The following FLT3 variants were observed in gnomAD, a reference collection of about 807,000 sequenced individuals.
FLT3 encodes the protein fms related receptor tyrosine kinase 3.
A neutral mutation model predicts 126.6 loss-of-function variants in FLT3; 46 were observed. The ratio of observed to expected loss-of-function variants is 0.36; its 90% CI spans 0.29 to 0.46. The LOEUF is 0.46. Among genes scored for constraint, FLT3 ranks in the 20% least tolerant of loss-of-function variants. FLT3 has a pLI of 1.00. For missense variants in FLT3, 1,069 were observed against 1,190.3 expected, an observed-to-expected ratio of 0.90 and a Z score of 1.50; for synonymous variants, 404 against 434.4, an observed-to-expected ratio of 0.93 and a Z score of 0.87.
intron 18 of FLT3, among the ~76,000 whole-genome samples, chr13:28,024,198 C>T (rs1872630008): frequency 6.7e-6 from 1 of 148,858 alleles, no homozygotes; most frequent in African/African-American, 2.5e-5. Flanking sequence ...GTGGTGCAAT[C>T]TCAGCTCACT....
intron 19 of FLT3, among the ~76,000 whole-genome samples, chr13:28,019,056 G>A (rs1056615849): frequency 6.7e-5 from 10 of 149,932 alleles, no homozygotes; most frequent in South Asian, 2.1e-4. Context: ...CAACCTCTGC[G>A]TCCCAGGTTC....
intron 1 of FLT3, among the ~76,000 whole-genome samples, chr13:28,078,833 C>T (rs1878133135): frequency 1.3e-5 from 2 of 152,042 alleles, no homozygotes; most frequent in Admixed American, 1.3e-4. Flanking sequence ...CCTGCCTCAG[C>T]CTCCCAAGTA....
chr13:28,019,699 A>G (rs1211120697), intron 19 of FLT3, among the ~76,000 whole-genome samples: 1 of 152,084 alleles, frequency 6.6e-6, no homozygotes, highest in African/African-American at 2.4e-5. Context: ...CGAGGCCTGC[A>G]CTGACTGGCT....
chr13:28,044,132 C>A (rs535269049), intron 9 of FLT3, among the ~76,000 whole-genome samples: 2 of 143,274 alleles, frequency 1.4e-5, no homozygotes, highest in Admixed American at 7.0e-5. Flanking sequence ...GGTGACAGAG[C>A]GAGACTCCGT....
chr13:28,052,522 C>T (rs373631530), intron 5 of FLT3, 23 bp downstream of exon 5: 2 of 1,595,634 alleles, frequency 1.3e-6, no homozygotes, highest in Non-Finnish European at 1.7e-6. Context: ...ATGAGAATAG[C>T]AGCTACCATG....
At chr13:28,025,037 G>C in intron 17 of FLT3, 94 bp from the exon 18 acceptor site, 1 of 742,350 alleles carries the variant, frequency 1.3e-6, no homozygotes, top group Non-Finnish European at 2.3e-6. Flanking sequence ...ATGGATTCCA[G>C]TTATAAATTG....
At chr13:28,062,157 G>C in intron 2 of FLT3, 88 bp from the exon 3 acceptor site, 1 of 976,280 alleles carries the variant, frequency 1.0e-6, no homozygotes, top group South Asian at 1.5e-5. Context: ...TCAAACATAT[G>C]CATGCTGACA....
intron 23 of FLT3, among the ~76,000 whole-genome samples, chr13:28,014,155 C>G (rs998718505): frequency 3.3e-5 from 5 of 152,072 alleles, no homozygotes; most frequent in African/African-American, 1.2e-4. Flanking sequence ...TCCCATGGTC[C>G]TAGCTACTTG....
chr13:28,073,367 AAAG>A, intron 1 of FLT3: 1 of 418,268 alleles, frequency 2.4e-6, no homozygotes, highest in Non-Finnish European at 4.7e-6. Context: ...AAAAAAAAAA[AAAG>A]CATTTTTTAC....
At chr13:28,081,895 C>T (rs1393357118) in intron 1 of FLT3, among the ~76,000 whole-genome samples, 2 of 114,360 alleles carry the variant, frequency 1.7e-5, no homozygotes, top group South Asian at 2.9e-4. Context: ...CTTGCTCTGT[C>T]GCCCAGGCTG....
intron 2 of FLT3, chr13:28,068,346 G>A (rs1444097711): frequency 2.0e-5 from 3 of 152,258 alleles, no homozygotes; most frequent in Admixed American, 6.6e-5. Flanking sequence ...TGGTTTGGAT[G>A]TGTGTCCCCT....
chr13:28,092,373 G>T (rs779349102), intron 1 of FLT3, among the ~76,000 whole-genome samples: 2 of 151,780 alleles, frequency 1.3e-5, no homozygotes, highest in Non-Finnish European at 2.9e-5. Flanking sequence ...CTTATATTTT[G>T]ACTGTTTTTT....
intron 1 of FLT3, among the ~76,000 whole-genome samples, chr13:28,098,037 G>A (rs4633554): frequency 0.19 from 29,420 of 151,992 alleles, 5,259 homozygotes; most frequent in African/African-American, 0.48. Flanking sequence ...GGGCATGGCC[G>A]GGTGTGGTGG....
intron 1 of FLT3, among the ~76,000 whole-genome samples, chr13:28,096,678 T>C (rs544341330): frequency 6.6e-6 from 1 of 152,198 alleles, no homozygotes; most frequent in South Asian, 2.1e-4. Context: ...GTGATCTGCC[T>C]GCCTCAGCCT....
In FLT3 at chr13:28,034,477, C is replaced by T. The variant is rs1284118879; in HGVS notation, c.1598-70G>A. 3 of 1,084,262 alleles carry T rather than the reference C, an allele frequency of 2.8e-6. No individual in the cohort carries two copies. The African/African-American group carries it at 4.7e-5, about 17-fold the overall frequency. The allele number at this position is 1,084,262 out of a possible 1,614,324, so 67.2% of individuals were successfully genotyped here. A position where few individuals can be genotyped will look rare whatever the true frequency, so the allele number is the denominator to read the frequency against. ...GTGACATTATAAATAGTGGACAACT[C>T]ATTATAATCTCTCACATCCTGTTTC... On this transcript the variant is annotated intron_variant, in intron 12 of 23. Transcript: ENST00000241453.
At chr13:28,047,655 T>C (rs540972788) in intron 9 of FLT3, among the ~76,000 whole-genome samples, 195 of 145,420 alleles carry the variant, frequency 1.3e-3, no homozygotes, top group African/African-American at 4.4e-3. Context: ...GAGGTTGCAG[T>C]GAGCCAATAT....
Position 28,034,113 on chromosome 13 carries a change from T to C in FLT3, c.1806A>G (p.Lys602=), listed in dbSNP as rs745627198. 10 of 1,614,026 alleles carry C rather than the reference T, an allele frequency of 6.2e-6. No individual in the cohort carries two copies. The highest frequency in any genetic ancestry group is 2.2e-5 in the East Asian group (1 of 44,880). ...CTAAATTTTCTCTTGGAAACTCCCA[T>C]TTGAGATCATATTCATATTCTCTGA... ...VDFREYEYDL[K]WEFPRENLEF... is the part of the protein sequence containing the mutation. The change falls in exon 14 of 24, where the codon AAA becomes AAG. Residue 602 remains lysine (K), a synonymous_variant. Coordinates refer to ENST00000241453, the MANE Select transcript of FLT3 (RefSeq NM_004119.3).
chr13:28,011,823 A>G (rs1871416112), intron 23 of FLT3, among the ~76,000 whole-genome samples: 1 of 140,190 alleles, frequency 7.1e-6, no homozygotes, highest in South Asian at 2.2e-4. Flanking sequence ...TTTGAGATAG[A>G]GTCTCACTGT....
intron 1 of FLT3, among the ~76,000 whole-genome samples, chr13:28,075,447 G>A (rs905191059): frequency 2.0e-5 from 3 of 152,008 alleles, no homozygotes; most frequent in Non-Finnish European, 1.5e-5. Flanking sequence ...TCACAAGGCC[G>A]GGCATGGTGG....
Sources: gnomAD v4.1 joint callset for allele counts (sites outside exome capture counted in the v4.1 genomes callset) on GRCh38, gnomAD v4.1.1 for gene constraint, MANE v1.5 for transcripts, NCBI Gene and HGNC (gene_info 2026-07-23, HGNC 2026-07-21) for gene names.